ENTREP3: variants seen among roughly 807,000 people sequenced by gnomAD.
ENTREP3 encodes the protein endosomal transmembrane epsin interactor 3.
chr1:155,253,634 G>T, the ENTREP3 span: 2 of 1,612,804 alleles, frequency 1.2e-6, no homozygotes, highest in Non-Finnish European at 1.7e-6. Context: ...CCGTATGCAC[G>T]AGGTCCAGGG....
chr1:155,253,778 C>T, the ENTREP3 span: 4 of 1,606,568 alleles, frequency 2.5e-6, no homozygotes, highest in Non-Finnish European at 3.4e-6. Context: ...GGCTAAGTTC[C>T]ACACATTATG....
At chr1:155,253,648 A>G in the ENTREP3 span, 1 of 1,613,878 alleles carries the variant, frequency 6.2e-7, no homozygotes, top group South Asian at 1.1e-5. Flanking sequence ...TCCAGGGAGA[A>G]GATTTGGATG....
At chr1:155,253,679 T>A in the ENTREP3 span, 2 of 1,612,928 alleles carry the variant, frequency 1.2e-6, no homozygotes, top group Non-Finnish European at 1.7e-6. Context: ...TAGCAGAGAG[T>A]GTACAGATTA....
the ENTREP3 span, chr1:155,251,054 G>A: frequency 1.8e-5 from 28 of 1,572,756 alleles, no homozygotes; most frequent in Middle Eastern, 1.7e-4. Context: ...GCTATCCCTG[G>A]CAGCCCCGCC....
the ENTREP3 span, chr1:155,248,103 T>A: frequency 6.2e-7 from 1 of 1,614,164 alleles, no homozygotes; most frequent in Admixed American, 1.7e-5. Context: ...TTCCTGGATA[T>A]CTGGAGGAAA....
chr1:155,247,505 A>C, the ENTREP3 span: 1 of 681,444 alleles, frequency 1.5e-6, no homozygotes, highest in Non-Finnish European at 2.7e-6. Context: ...TCTCATTCTG[A>C]GGGGGACAAG....
chr1:155,253,565 C>A, the ENTREP3 span: 3 of 1,219,622 alleles, frequency 2.5e-6, no homozygotes. Flanking sequence ...AGGCAAGTCT[C>A]AGCACACACA....
chr1:155,250,191 GC>G, the ENTREP3 span: 11 of 1,235,650 alleles, frequency 8.9e-6, no homozygotes, highest in Non-Finnish European at 1.1e-5. This position sits in a 1 kb window ranked among gnomAD's most constrained non-coding sequence, Gnocchi z 5.4. Flanking sequence ...CCTCAACTGT[GC>G]CCCAATCCTG....
the ENTREP3 span, chr1:155,251,508 G>A: frequency 6.2e-7 from 1 of 1,612,682 alleles, no homozygotes; most frequent in African/African-American, 1.3e-5. Context: ...TCACCTGGCT[G>A]TCTCCTCGTA....
chr1:155,253,856 C>T, the ENTREP3 span: 137 of 1,613,144 alleles, frequency 8.5e-5, no homozygotes, highest in South Asian at 1.4e-3. Context: ...GGTGCAAGCT[C>T]ACCTTGAGGG....
At chr1:155,251,071 C>A in the ENTREP3 span, 1 of 1,602,736 alleles carries the variant, frequency 6.2e-7, no homozygotes, top group Non-Finnish European at 8.5e-7. Flanking sequence ...CGCCCTTGTC[C>A]ACCCCTCATT....
the ENTREP3 span, chr1:155,250,577 G>T: frequency 6.2e-7 from 1 of 1,602,314 alleles, no homozygotes; most frequent in East Asian, 2.2e-5. This position sits in a 1 kb window ranked among gnomAD's most constrained non-coding sequence, Gnocchi z 5.4. Flanking sequence ...GGGCAGAGCA[G>T]GAATAGGAGC....
the ENTREP3 span, chr1:155,251,125 T>A: frequency 3.1e-6 from 5 of 1,612,666 alleles, no homozygotes; most frequent in Non-Finnish European, 4.2e-6. Flanking sequence ...CGTTCACAGA[T>A]GCACGAGCCA....
the ENTREP3 span, among the ~76,000 whole-genome samples, chr1:155,249,119 T>C: frequency 6.6e-6 from 1 of 150,906 alleles, no homozygotes; most frequent in South Asian, 2.1e-4. Flanking sequence ...ATGGAGTGTG[T>C]CTCTGTCACC....
At chr1:155,252,383 T>G in the ENTREP3 span, among the ~76,000 whole-genome samples, 40 of 151,618 alleles carry the variant, frequency 2.6e-4, no homozygotes, top group Non-Finnish European at 2.9e-5. Flanking sequence ...ATTATTATTA[T>G]TTCGAGACGA....
chr1:155,252,009 C>T, the ENTREP3 span: 1,678 of 817,728 alleles, frequency 2.1e-3, 5 homozygotes, highest in Admixed American at 6.0e-3. Context: ...CTGGCCCTAT[C>T]CCCTGAGAGA....
chr1:155,252,157 C>T, the ENTREP3 span: 1 of 428,918 alleles, frequency 2.3e-6, no homozygotes, highest in African/African-American at 2.1e-5. Flanking sequence ...TCCACACATT[C>T]TGTGTCTTCA....
the ENTREP3 span, chr1:155,253,626 G>A: frequency 4.0e-5 from 65 of 1,610,826 alleles, no homozygotes; most frequent in African/African-American, 4.8e-4. Context: ...CCTTCTCACC[G>A]TATGCACGAG....
the ENTREP3 span, chr1:155,254,626 C>A: frequency 6.9e-6 from 11 of 1,600,276 alleles, no homozygotes; most frequent in East Asian, 1.3e-4. The surrounding 1 kb of genome is among the most constrained non-coding windows in gnomAD (Gnocchi z 4.4). Flanking sequence ...GAGCCTCCCC[C>A]ACCCAACAAC....
Sources: allele counts gnomAD v4.1 joint callset (sites outside exome capture counted in the v4.1 genomes callset), GRCh38; gene constraint gnomAD v4.1.1; non-coding constraint Gnocchi (gnomAD v3.1); transcripts MANE v1.5; gene names NCBI Gene and HGNC (gene_info 2026-07-23, HGNC 2026-07-21).